C8orf76: variants seen among roughly 807,000 people sequenced by gnomAD.
C8orf76 encodes chromosome 8 open reading frame 76, also known as uncharacterized protein C8orf76.
A neutral mutation model predicts 38.1 loss-of-function variants in C8orf76; 46 were observed. The ratio of observed to expected loss-of-function variants is 1.21; its 90% CI spans 0.95 to 1.54. The LOEUF is 1.54. Among genes scored for constraint, C8orf76 ranks in the 40% most tolerant of loss-of-function variants. C8orf76 has a pLI of 0.00. For synonymous variants in C8orf76, 166 were observed against 167.5 expected (o/e 0.99, Z 0.07); for missense variants, 461 against 441.6 (o/e 1.04, Z -0.39).
At chr8:123,237,694 C>T (rs1183713328) in intron 3 of C8orf76, 104 bp downstream of exon 3, 5 of 1,420,338 alleles carry the variant, frequency 3.5e-6, no homozygotes, top group Non-Finnish European at 3.7e-6. Context: ...TATCCAAACC[C>T]ATAGATTTTG....
intron 5 of C8orf76, among the ~76,000 whole-genome samples, chr8:123,224,111 A>G (rs1824960198): frequency 6.6e-6 from 1 of 152,068 alleles, no homozygotes; most frequent in Admixed American, 6.6e-5. Flanking sequence ...TTTAAGTTAC[A>G]TATTTTATCA....
At chr8:123,238,041 G>C in intron 2 of C8orf76, 100 bp from the exon 3 acceptor site, 1 of 1,313,196 alleles carries the variant, frequency 7.6e-7, no homozygotes, top group South Asian at 1.6e-5. Context: ...GGAAAGTAAT[G>C]TTATAACTGA....
At chr8:123,237,401 A>AT (rs1330738400) in intron 3 of C8orf76, among the ~76,000 whole-genome samples, 20 of 152,130 alleles carry the variant, frequency 1.3e-4, no homozygotes, top group Admixed American at 1.3e-3. Flanking sequence ...GTATTTAGTC[A>AT]TTTTGGGGGG....
intron 2 of C8orf76, chr8:123,238,831 C>G (rs1013268935): frequency 4.1e-6 from 2 of 487,446 alleles, no homozygotes; most frequent in Non-Finnish European, 7.4e-6. Flanking sequence ...GGACAAGGAC[C>G]CCAAAGAGAT....
intron 4 of C8orf76, 102 bp from the exon 5 acceptor site, chr8:123,226,734 C>T: frequency 6.8e-7 from 1 of 1,463,856 alleles, no homozygotes; most frequent in South Asian, 1.5e-5. Flanking sequence ...ATTGAGTCGG[C>T]TGCAAGTCCC....
chr8:123,236,164 A>G (rs946303833), intron 3 of C8orf76, among the ~76,000 whole-genome samples: 2 of 152,220 alleles, frequency 1.3e-5, no homozygotes, highest in African/African-American at 4.8e-5. Flanking sequence ...TGAAGGCTTA[A>G]GCAAACAAAG....
chr8:123,231,522 T>C lies in C8orf76; in HGVS notation c.593A>G (p.Asp198Gly). Residue 198 changes from aspartate (D) to glycine (G), a missense_variant, in exon 4 of 6, where the codon GAC (aspartate) becomes GGC (glycine). Transcript: ENST00000276704. ...SQKQHSFTSS[D>G]KTIKSFFPHS... is the part of the protein sequence containing the mutation. ...TGGAAAGAAGGATTTGATAGTTTTG[T>C]CACTTGAGGTGAAACTGTGCTGTTT... 6.2e-7 allele frequency: 1 copy of C among 1,614,258 alleles called. No homozygotes were observed. The highest frequency in any genetic ancestry group is 8.5e-7 in the Non-Finnish European group (1 of 1,180,054).
In C8orf76 at chr8:123,231,677, C is replaced by T. The variant is rs1825276038; in HGVS notation, c.438G>A (p.Leu146=). 6.2e-7 allele frequency: 1 copy of T among 1,613,866 alleles called. No individual in the cohort carries two copies. The highest frequency in any genetic ancestry group is 1.7e-5 in the Admixed American group (1 of 59,998). The change falls in exon 4 of 6, where the codon TTG becomes TTA. Residue 146 remains leucine, a synonymous_variant. Transcript: ENST00000276704. ...TCTGCAGGCAGAAAATTGTTTTCTC[C>T]AAGTTCTGCAAACTTGAACAAATAG... ...QLAICSSLQN[L]EKTIFCLQKL...
At chr8:123,221,716 G>A (rs1377913234) in intron 5 of C8orf76, among the ~76,000 whole-genome samples, 2 of 152,098 alleles carry the variant, frequency 1.3e-5, no homozygotes, top group Non-Finnish European at 2.9e-5. Context: ...GATTATAGAT[G>A]TGAATGAACC....
intron 4 of C8orf76, among the ~76,000 whole-genome samples, chr8:123,230,974 T>A (rs1660248554): frequency 6.6e-6 from 1 of 152,016 alleles, no homozygotes; most frequent in Non-Finnish European, 1.5e-5. Context: ...CAAAAAAAAA[T>A]TTTTGTAGAA....
intron 3 of C8orf76, among the ~76,000 whole-genome samples, chr8:123,236,072 C>G (rs1444705635): frequency 6.6e-6 from 1 of 152,210 alleles, no homozygotes; most frequent in Non-Finnish European, 1.5e-5. Context: ...AAAGAAAGAA[C>G]AAAACACAGC....
At chr8:123,239,336 AT>A in intron 1 of C8orf76, 192 bp from the exon 2 acceptor site, 1 of 533,682 alleles carries the variant, frequency 1.9e-6, no homozygotes, top group Non-Finnish European at 3.3e-6. Flanking sequence ...AAGTGCTGGG[AT>A]TACAGGTGTG....
intron 3 of C8orf76, chr8:123,236,717 G>A: frequency 2.6e-6 from 1 of 389,674 alleles, no homozygotes; most frequent in South Asian, 2.3e-5. Flanking sequence ...CCGGGAGGCG[G>A]AGGTTGCGGC....
At position 123,241,321 on chromosome 8, in the gene C8orf76, C is replaced by G. The variant is rs1243358947; in HGVS notation, c.26G>C (p.Gly9Ala). The change falls in exon 1 of 6, where the codon GGC becomes GCC. Residue 9 changes from glycine (G) to alanine (A), a missense_variant. Coordinates refer to ENST00000276704, the MANE Select transcript of C8orf76 (RefSeq NM_032847.3). The stretch of plus-strand genomic sequence containing the variant: ...GAACACCGAGTCCTCGAACTCGCCG[C>G]CGAACAACCAGCACCCGGAATCCAT... MDSGCWLF[G>A]GEFEDSVFEE... 1.3e-6 allele frequency: 2 copies of G among 1,572,294 alleles called. No homozygotes were observed. Among genetic ancestry groups the G allele is most frequent in the East Asian group, 2.5e-5 (1 of 40,394 alleles).
At chr8:123,239,941 G>A (rs1210192054) in intron 1 of C8orf76, 1 of 148,270 alleles carries the variant, frequency 6.7e-6, no homozygotes, top group Non-Finnish European at 1.5e-5. Context: ...GGGGTGACCC[G>A]AGATCGCGCC....
chr8:123,237,551 G>A (rs1825543172), intron 3 of C8orf76, among the ~76,000 whole-genome samples: 1 of 152,130 alleles, frequency 6.6e-6, no homozygotes, highest in South Asian at 2.1e-4. Flanking sequence ...AAAAACCTCT[G>A]CAAAGGAGAT....
chr8:123,237,662 C>T (rs1825548009), intron 3 of C8orf76, 136 bp downstream of exon 3: 2 of 1,238,648 alleles, frequency 1.6e-6, no homozygotes, highest in Non-Finnish European at 1.1e-6. Flanking sequence ...AACTCTCACA[C>T]CCCTGACAAT....
Position 123,220,213 on chromosome 8 carries a change from A to T in C8orf76, c.1033T>A (p.Leu345Met). The T allele has an allele frequency of 6.2e-7, 1 of 1,613,954 alleles. No individual in the cohort carries two copies. The highest frequency in any genetic ancestry group is 8.5e-7 in the Non-Finnish European group (1 of 1,179,876). Residue 345 changes from leucine to methionine, a missense_variant, in exon 6 of 6, where the codon TTG becomes ATG. Coordinates refer to ENST00000276704, the MANE Select transcript of C8orf76 (RefSeq NM_032847.3). ...AATTCTTCTGAGGATACAGTCACCAAGGCAGTCAGGGCTACGGAGCCAACA... is the reference window on the plus strand; with the variant it reads ...AATTCTTCTGAGGATACAGTCACCATGGCAGTCAGGGCTACGGAGCCAACA... ...KCVGSVALTA[L>M]VTVSSEEFED...
rs545394227 is a variant in C8orf76, at chr8:123,221,587, C to A, written c.949-1290G>T. ...AGTAGCTGGGACTACAGGCAAGTGC[C>A]ACCATGCCCAGCTAATTTTTGTATT... On this transcript the variant is annotated intron_variant, in intron 5 of 5. Transcript: ENST00000276704. Among the ~76,000 whole-genome samples, 199 of 152,278 alleles carry A rather than the reference C, an allele frequency of 1.3e-3. 1 individual carries two copies. Among genetic ancestry groups the A allele is most frequent in the Non-Finnish European group, 2.6e-4 (18 of 68,028 alleles).
Sources: gnomAD v4.1 joint callset for allele counts (sites outside exome capture counted in the v4.1 genomes callset) on GRCh38, gnomAD v4.1.1 for gene constraint, MANE v1.5 for transcripts, NCBI Gene and HGNC (gene_info 2026-07-23, HGNC 2026-07-21) for gene names.